STPG2: variants seen among roughly 807,000 people sequenced by gnomAD.
The protein encoded by STPG2 is sperm-tail PG-rich repeat-containing protein 2.
Under a neutral mutation model 54.2 loss-of-function variants are expected in STPG2, and 56 were observed. The ratio of observed to expected loss-of-function variants is 1.03; its 90% CI spans 0.83 to 1.29. STPG2 has a LOEUF of 1.29. STPG2 is among the 50% of genes most tolerant of loss of function. STPG2 has a pLI of 0.00. For synonymous variants in STPG2, 200 were observed against 181.8 expected, an observed-to-expected ratio of 1.10 and a Z score of -0.81; for missense variants, 596 against 544.9, an observed-to-expected ratio of 1.09 and a Z score of -0.93.
intron 10 of STPG2, among the ~76,000 whole-genome samples, chr4:97,648,677 G>A (rs1214651577): frequency 6.6e-6 from 1 of 152,010 alleles, no homozygotes; most frequent in African/African-American, 2.4e-5. Context: ...ATGAGACAAT[G>A]GGACTCATTT....
At chr4:97,484,107 C>T (rs1730294457) in intron 4 of STPG2, among the ~76,000 whole-genome samples, 2 of 151,694 alleles carry the variant, frequency 1.3e-5, no homozygotes, top group South Asian at 2.1e-4. Context: ...GCCCCAAATG[C>T]CTCCATTAAA....
At chr4:98,002,873 G>A (rs1426673) in intron 5 of STPG2, among the ~76,000 whole-genome samples, 47,703 of 151,828 alleles carry the variant, frequency 0.31, 7,657 homozygotes, top group Middle Eastern at 0.36. Flanking sequence ...TTTAAAAAAT[G>A]TTTCTTAATT....
intron 3 of STPG2, among the ~76,000 whole-genome samples, chr4:98,120,995 G>T (rs1429775350): frequency 6.6e-6 from 1 of 152,078 alleles, no homozygotes; most frequent in East Asian, 1.9e-4. Flanking sequence ...GTTCTCAATG[G>T]TATTGCTCAG....
intron 4 of STPG2, among the ~76,000 whole-genome samples, chr4:97,533,065 T>C (rs968352215): frequency 6.6e-6 from 1 of 152,024 alleles, no homozygotes; most frequent in Non-Finnish European, 1.5e-5. Flanking sequence ...TTATTTTTGG[T>C]AGAGATGGGG....
intron 5 of STPG2, among the ~76,000 whole-genome samples, chr4:97,990,616 C>G (rs1028967427): frequency 7.2e-5 from 11 of 152,084 alleles, no homozygotes; most frequent in Non-Finnish European, 1.5e-4. Context: ...CAGTAAAGAA[C>G]CACAGACTGG....
chr4:97,961,093 G>GAA lies in STPG2; in HGVS notation c.933+11185_933+11186dup, dbSNP rs199899968. On this transcript the variant is annotated intron_variant, in intron 7 of 10. Transcript: ENST00000295268. ...ACAAAGCAAACAAAAACATAAAATGGAAAAAAAAAAACACCCTATTCAACA... is the reference window on the plus strand; with the variant it reads ...ACAAAGCAAACAAAAACATAAAATGGAAAAAAAAAAAAACACCCTATTCAACA... Among the ~76,000 whole-genome samples, 494 of 145,308 alleles carry GAA rather than the reference G, an allele frequency of 3.4e-3. 1 individual carries two copies. The highest frequency in any genetic ancestry group is 9.1e-3 in the African/African-American group (362 of 39,840).
At chr4:97,876,269 T>G (rs1730167254) in intron 8 of STPG2, among the ~76,000 whole-genome samples, 1 of 152,112 alleles carries the variant, frequency 6.6e-6, no homozygotes, top group South Asian at 2.1e-4. Context: ...CAATGCACAT[T>G]AGAAAATTGT....
chr4:97,860,052 T>C (rs1408625851), intron 8 of STPG2, among the ~76,000 whole-genome samples: 1 of 152,222 alleles, frequency 6.6e-6, no homozygotes, highest in African/African-American at 2.4e-5. Context: ...TTTGGCTTTA[T>C]TTCTGAGTTC....
At chr4:97,925,824 C>G (rs929760414) in intron 8 of STPG2, among the ~76,000 whole-genome samples, 1 of 152,168 alleles carries the variant, frequency 6.6e-6, no homozygotes, top group Non-Finnish European at 1.5e-5. Context: ...CTTTTACCAG[C>G]TGACCTGTGA....
At chr4:97,986,333 A>G (rs925472279) in intron 5 of STPG2, among the ~76,000 whole-genome samples, 1 of 152,216 alleles carries the variant, frequency 6.6e-6, no homozygotes, top group Admixed American at 6.5e-5. Flanking sequence ...GTTTGCTAGT[A>G]TTATAATTGT....
chr4:97,988,797 G>A (rs112186264), intron 5 of STPG2, among the ~76,000 whole-genome samples: 1 of 152,262 alleles, frequency 6.6e-6, no homozygotes, highest in African/African-American at 2.4e-5. Context: ...GTAGAGATGG[G>A]TTTTTGCCAT....
At chr4:97,631,154 T>TA (rs1287189722) in intron 10 of STPG2, among the ~76,000 whole-genome samples, 1 of 152,016 alleles carries the variant, frequency 6.6e-6, no homozygotes, top group Non-Finnish European at 1.5e-5. Context: ...CTATCAAGGA[T>TA]AAGCAATTAC....
At chr4:98,125,267 A>G (rs1021985991) in intron 3 of STPG2, among the ~76,000 whole-genome samples, 3 of 152,074 alleles carry the variant, frequency 2.0e-5, no homozygotes, top group African/African-American at 2.4e-5. Context: ...TGGCTTTTTG[A>G]GTTTTCAGCA....
At chr4:97,906,597 C>A (rs969482546) in intron 8 of STPG2, among the ~76,000 whole-genome samples, 1 of 152,134 alleles carries the variant, frequency 6.6e-6, no homozygotes, top group East Asian at 1.9e-4. Context: ...CCTTGATGAA[C>A]ATTGATGCAA....
chr4:97,639,503 AT>A (rs1560698705), intron 10 of STPG2, among the ~76,000 whole-genome samples: 2 of 152,036 alleles, frequency 1.3e-5, no homozygotes, highest in African/African-American at 4.8e-5. Flanking sequence ...ATTTAAAAAA[AT>A]AAATTAAAAA....
At chr4:97,572,302 C>A (rs80098527) in intron 10 of STPG2, among the ~76,000 whole-genome samples, 2,603 of 152,242 alleles carry the variant, frequency 0.017, 68 homozygotes, top group African/African-American at 0.058. Context: ...CAGTTTCCAA[C>A]AAACTATTTT....
At chr4:97,802,266 T>C (rs1035459650) in intron 9 of STPG2, among the ~76,000 whole-genome samples, 5 of 152,114 alleles carry the variant, frequency 3.3e-5, no homozygotes, top group African/African-American at 1.2e-4. Context: ...TCTCTGCATA[T>C]CTAAATTACT....
At chr4:97,694,919 A>G (rs1723517534) in intron 10 of STPG2, among the ~76,000 whole-genome samples, 1 of 151,436 alleles carries the variant, frequency 6.6e-6, no homozygotes. Flanking sequence ...TCAAAGAAGA[A>G]TTAGTACCAA....
At position 97,957,070 on chromosome 4, in the gene STPG2, AAT is replaced by A. The variant is rs896143051; in HGVS notation, c.934-13065_934-13064del. Among the ~76,000 whole-genome samples, 313 of 151,748 alleles carry A rather than the reference AAT, an allele frequency of 2.1e-3. 1 individual carries two copies. Among genetic ancestry groups the A allele is most frequent in the African/African-American group, 7.1e-3 (292 of 41,362 alleles). On this transcript the variant is annotated intron_variant, in intron 7 of 10. Transcript: ENST00000295268. ...AGTCAGAGCCCAATTTAAGGAAATAAATATATATATATGTGAAATATACATAG... is the reference window on the plus strand; with the variant it reads ...AGTCAGAGCCCAATTTAAGGAAATAAATATATATATGTGAAATATACATAG...
Sources: allele counts gnomAD v4.1 joint callset (sites outside exome capture counted in the v4.1 genomes callset), GRCh38; gene constraint gnomAD v4.1.1; transcripts MANE v1.5; gene names NCBI Gene and HGNC (gene_info 2026-07-23, HGNC 2026-07-21).